Variants in TCF25 observed in about 807,000 individuals in gnomAD.
TCF25 encodes TCF25 ribosome quality control complex subunit.
A neutral mutation model predicts 83.1 loss-of-function variants in TCF25; 41 were observed. The ratio of observed to expected loss-of-function variants is 0.49; its 90% CI spans 0.38 to 0.64. The LOEUF (loss-of-function observed/expected upper bound fraction) is 0.64, where lower values mean the gene tolerates loss of function less well. Among genes scored for constraint, TCF25 ranks in the 30% least tolerant of loss-of-function variants. The pLI, the probability that TCF25 is intolerant of heterozygous loss-of-function variation, is 0.00. For missense variants in TCF25, 979 were observed against 914.5 expected (o/e 1.07, Z -0.91); for synonymous variants, 458 against 365.0 (o/e 1.25, Z -2.90).
Position 89,873,835 on chromosome 16 carries a change from C to G in TCF25, c.168C>G (p.Val56=), listed in dbSNP as rs2041935236. The change falls in exon 1 of 18, where the codon GTC becomes GTG. Residue 56 remains valine, a synonymous_variant. Coordinates refer to ENST00000263346, the MANE Select transcript of TCF25 (RefSeq NM_014972.3). ...RRPGGAGKEG[V]RVNNRFELIN... Reference sequence around the variant, plus strand: ...CCGGGGGCGCAGGGAAGGAGGGCGTCCGAGTCAACAACCGCTTCGAGCTGG... The same window carrying G: ...CCGGGGGCGCAGGGAAGGAGGGCGTGCGAGTCAACAACCGCTTCGAGCTGG... 2.5e-6 allele frequency: 4 copies of G among 1,572,796 alleles called. No individual in the cohort carries two copies. The highest frequency in any genetic ancestry group is 2.6e-6 in the Non-Finnish European group (3 of 1,162,076).
rs1293273491 is a variant in TCF25 at position 89,908,779 on chromosome 16, TCCTCCCAGTTTCCA to T, written c.1799+1466_1799+1479del. On this transcript the variant is annotated intron_variant, in intron 16 of 17. Coordinates refer to ENST00000263346, the MANE Select transcript of TCF25 (RefSeq NM_014972.3). ...TGCCAGCTCCCAGCTCCCGCCTCCC[TCCTCCCAGTTTCCA>T]CCTCCCAGCTCCCACCTCGCAGCTC... is the stretch of plus-strand genomic sequence containing the variant. Among the ~76,000 whole-genome samples the T allele has an allele frequency of 1.3e-3, 5 of 3,736 alleles. No homozygotes were observed. In the Admixed American group the frequency reaches 0.016, roughly 12 times the overall value. The allele number at this position is 3,736 out of a possible 152,430, so 2.5% of individuals were successfully genotyped here. A position where few individuals can be genotyped will look rare whatever the true frequency, so the allele number is the denominator to read the frequency against.
At position 89,898,838 on chromosome 16, in the gene TCF25, A is replaced by G; in HGVS notation, c.1187A>G (p.Tyr396Cys). The G allele has an allele frequency of 1.9e-6, 3 of 1,613,802 alleles. No individual in the cohort carries two copies. In the South Asian group the frequency reaches 3.3e-5, roughly 18 times the overall value. Residue 396 changes from tyrosine to cysteine, a missense_variant, in exon 11 of 18, where the codon TAC becomes TGC. Physicochemically the swap from Tyr to Cys is radical, Grantham distance 194. Coordinates refer to ENST00000263346, the MANE Select transcript of TCF25 (RefSeq NM_014972.3). ...CACCTGGCCTTGCGGGCCCGGAACTACGAGTACCTGATCCGCCTCTTCCAG... is the reference window on the plus strand; with the variant it reads ...CACCTGGCCTTGCGGGCCCGGAACTGCGAGTACCTGATCCGCCTCTTCCAG... ...IDHLALRARN[Y>C]EYLIRLFQEW...
In TCF25 at chr16:89,898,571, C is replaced by T. The variant is rs765221599; in HGVS notation, c.1037C>T (p.Ala346Val). 16 of 1,612,952 alleles carry T rather than the reference C, an allele frequency of 9.9e-6. No individual in the cohort carries two copies. Among genetic ancestry groups the T allele is most frequent in the South Asian group, 2.2e-5 (2 of 91,084 alleles). ...TTTGGATCTAGGAGCTTCTACCTGG[C>T]CCTCTACAAGCAGATGAGCTTCCTG... Reference protein sequence around the residue: ...RRPENRSFYLALYKQMSFLEK... With the variant: ...RRPENRSFYLVLYKQMSFLEK... Residue 346 changes from alanine (A) to valine (V), a missense_variant, in exon 10 of 18, where the codon GCC becomes GTC. Ala to Val is a moderately conservative substitution (Grantham distance 64). Transcript: ENST00000263346.
intron 16 of TCF25, chr16:89,910,278 C>T: frequency 2.3e-6 from 1 of 427,248 alleles, no homozygotes. Flanking sequence ...TGCAGCTTTT[C>T]TGAAAAGCAA....
At chr16:89,878,953 T>A (rs2042391110) in intron 1 of TCF25, among the ~76,000 whole-genome samples, 1 of 152,252 alleles carries the variant, frequency 6.6e-6, no homozygotes, top group South Asian at 2.1e-4. Flanking sequence ...TAATAAGGTT[T>A]GTCTGACGGT....
At chr16:89,895,209 T>G (rs1309373378) in intron 8 of TCF25, 72 bp downstream of exon 8, 1 of 1,409,116 alleles carries the variant, frequency 7.1e-7, no homozygotes, top group African/African-American at 1.4e-5. Context: ...GATGCGATGG[T>G]GTAAGATGAC....
At chr16:89,909,391 G>T (rs879627421) in intron 16 of TCF25, 2 of 284,156 alleles carry the variant, frequency 7.0e-6, no homozygotes, top group Non-Finnish European at 1.4e-5. Context: ...CACACCTGTA[G>T]TCCCAGCTAC....
intron 6 of TCF25, among the ~76,000 whole-genome samples, chr16:89,893,474 G>A (rs2043586394): frequency 6.6e-6 from 1 of 152,226 alleles, no homozygotes; most frequent in African/African-American, 2.4e-5. Context: ...GGCTAGAGCT[G>A]TATCCGAGTT....
intron 14 of TCF25, 59 bp from the exon 15 acceptor site, chr16:89,906,135 C>T (rs2044758839): frequency 1.1e-5 from 16 of 1,470,582 alleles, no homozygotes; most frequent in Non-Finnish European, 1.3e-5. Context: ...GGCTCCATGG[C>T]GGTTACCATT....
intron 3 of TCF25, among the ~76,000 whole-genome samples, chr16:89,885,183 T>C (rs1159673792): frequency 6.6e-6 from 1 of 152,236 alleles, no homozygotes; most frequent in African/African-American, 2.4e-5. Context: ...TTACTTAGTA[T>C]TTTTATTCCT....
intron 9 of TCF25, among the ~76,000 whole-genome samples, chr16:89,897,599 C>A (rs549421337): frequency 9.5e-4 from 144 of 152,288 alleles, no homozygotes; most frequent in African/African-American, 3.4e-3. Flanking sequence ...ATTCTTAGTT[C>A]TTTGAAGTAG....
chr16:89,884,441 AGT>A, intron 2 of TCF25, 139 bp from the exon 3 acceptor site: 1 of 747,432 alleles, frequency 1.3e-6, no homozygotes, highest in Middle Eastern at 3.2e-4. Context: ...GAGAGAAGAG[AGT>A]GAGTTGAAGG....
chr16:89,873,736 C>T lies in TCF25; in HGVS notation c.69C>T (p.Ala23=), dbSNP rs150672592. ...QRGQEPLGPG[A]LHFDLRDDDD... ...GCCAGGAGCCCCTCGGGCCCGGCGCCTTGCATTTCGATCTCCGTGATGACG... is the reference window on the plus strand; with the variant it reads ...GCCAGGAGCCCCTCGGGCCCGGCGCTTTGCATTTCGATCTCCGTGATGACG... Residue 23 remains alanine (A), a synonymous_variant, in exon 1 of 18, where the codon GCC becomes GCT. Transcript: ENST00000263346. 2 of 1,611,574 alleles carry T rather than the reference C, an allele frequency of 1.2e-6. No homozygotes were observed. Among genetic ancestry groups the T allele is most frequent in the Non-Finnish European group, 1.7e-6 (2 of 1,179,496 alleles).
At chr16:89,894,650 C>T (rs1327717445) in intron 7 of TCF25, among the ~76,000 whole-genome samples, 2 of 152,136 alleles carry the variant, frequency 1.3e-5, no homozygotes, top group Non-Finnish European at 1.5e-5. Context: ...AGTGTCGACC[C>T]GGTAATTCCC....
At chr16:89,905,272 C>T (rs1353898081) in intron 14 of TCF25, among the ~76,000 whole-genome samples, 176 bp downstream of exon 14, 1 of 152,196 alleles carries the variant, frequency 6.6e-6, no homozygotes, top group East Asian at 1.9e-4. Context: ...GTCCCAGAGG[C>T]TTCCTGGGAG....
chr16:89,880,892 C>T (rs769121645), intron 1 of TCF25, among the ~76,000 whole-genome samples: 2 of 152,158 alleles, frequency 1.3e-5, no homozygotes, highest in African/African-American at 2.4e-5. Context: ...GCAAGGCAGC[C>T]GGCCCATGCC....
chr16:89,892,293 CTGCTGGGGA>C lies in TCF25; in HGVS notation c.697+21_697+29del. Reference sequence around the variant, plus strand: ...CAAACCAGGTGAGGGTCTGCAGATGCTGCTGGGGATGGAGGGTTGGGGGGCGTTGTCTGT... The same window carrying C: ...CAAACCAGGTGAGGGTCTGCAGATGCTGGAGGGTTGGGGGGCGTTGTCTGT... On this transcript the variant is annotated intron_variant, in intron 6 of 17. Coordinates refer to ENST00000263346, the MANE Select transcript of TCF25 (RefSeq NM_014972.3). 1 of 1,603,572 alleles carries C rather than the reference CTGCTGGGGA, an allele frequency of 6.2e-7. No individual in the cohort carries two copies. The highest frequency in any genetic ancestry group is 8.5e-7 in the Non-Finnish European group (1 of 1,175,560).
intron 9 of TCF25, among the ~76,000 whole-genome samples, chr16:89,897,465 C>T (rs1275887564): frequency 1.3e-5 from 2 of 152,266 alleles, no homozygotes; most frequent in African/African-American, 2.4e-5. Context: ...CCGCTCCTAC[C>T]CTCTCAGCCC....
At chr16:89,897,039 AAAG>A (rs59611764) in intron 9 of TCF25, among the ~76,000 whole-genome samples, 3,494 of 151,872 alleles carry the variant, frequency 0.023, 86 homozygotes, top group African/African-American at 0.058. Flanking sequence ...AAAAAAAAAA[AAAG>A]AAGAAGAAGA....
Sources: gnomAD v4.1 joint callset for allele counts (sites outside exome capture counted in the v4.1 genomes callset) on GRCh38, gnomAD v4.1.1 for gene constraint, MANE v1.5 for transcripts, NCBI Gene and HGNC (gene_info 2026-07-23, HGNC 2026-07-21) for gene names.